The following ZNF521 variants were observed in gnomAD, a reference collection of about 807,000 sequenced individuals.
ZNF521 encodes LYST-interacting protein 3.
A neutral mutation model predicts 105.5 loss-of-function variants in ZNF521; 14 were observed. The ratio of observed to expected loss-of-function variants is 0.13; its 90% CI spans 0.09 to 0.21. ZNF521 has a LOEUF of 0.21. Ranked by LOEUF, ZNF521 falls within the 10% of genes least tolerant of loss-of-function variation. The pLI, the probability that ZNF521 is intolerant of heterozygous loss-of-function variation, is 1.00. For synonymous variants in ZNF521, 635 were observed against 606.0 expected (o/e 1.05, Z -0.70); for missense variants, 1,233 against 1,629.7 (o/e 0.76, Z 4.19).
chr18:25,067,188 T>C (rs1449533046), intron 7 of ZNF521, among the ~76,000 whole-genome samples: 1 of 152,162 alleles, frequency 6.6e-6, no homozygotes, highest in Admixed American at 6.5e-5. Context: ...GAGGGGGGTT[T>C]GTGTTAAAAA....
chr18:25,124,385 C>T (rs1567972584), intron 5 of ZNF521, among the ~76,000 whole-genome samples: 4 of 152,092 alleles, frequency 2.6e-5, no homozygotes, highest in Non-Finnish European at 2.9e-5. Flanking sequence ...CTGGGTCCTG[C>T]TTCAGAAACT....
At chr18:25,265,198 C>A (rs1909165391) in intron 3 of ZNF521, among the ~76,000 whole-genome samples, 1 of 152,164 alleles carries the variant, frequency 6.6e-6, no homozygotes, top group African/African-American at 2.4e-5. Context: ...CAAGTTGCCA[C>A]CTAACTGATG....
rs1304410529 is a variant in ZNF521, at chr18:25,062,626, T to G, written c.*86A>C. On this transcript the variant is annotated 3_prime_UTR_variant, in exon 8 of 8. Coordinates refer to ENST00000361524, the MANE Select transcript of ZNF521 (RefSeq NM_015461.3). ...ATACAATGTTTCTGAATAATATACA[T>G]TAACAATGAAAGTTTCGTGCAAAGA... is the stretch of plus-strand genomic sequence containing the variant. The G allele has an allele frequency of 6.8e-7, 1 of 1,461,918 alleles. No homozygotes were observed. The highest frequency in any genetic ancestry group is 1.4e-5 in the African/African-American group (1 of 70,364). 90.6% of individuals were successfully genotyped at this position (1,461,918 alleles called of 1,614,324 possible).
At chr18:25,236,955 C>G (rs1242265494) in intron 3 of ZNF521, among the ~76,000 whole-genome samples, 1 of 152,128 alleles carries the variant, frequency 6.6e-6, no homozygotes, top group Admixed American at 6.5e-5. Flanking sequence ...AAGAGGCATT[C>G]TGAAAATAAG....
At chr18:25,269,775 G>C (rs1412614020) in intron 3 of ZNF521, among the ~76,000 whole-genome samples, 2 of 152,082 alleles carry the variant, frequency 1.3e-5, no homozygotes, top group African/African-American at 4.8e-5. Context: ...AGAATCTCTG[G>C]GACACATTTA....
intron 3 of ZNF521, among the ~76,000 whole-genome samples, chr18:25,303,293 TGTG>T (rs1911751017): frequency 1.8e-5 from 2 of 112,978 alleles, no homozygotes; most frequent in Non-Finnish European, 3.5e-5. Context: ...TGTGTGTGTG[TGTG>T]TGTGTGTGTG....
At chr18:25,165,464 A>G (rs1236039163) in intron 5 of ZNF521, among the ~76,000 whole-genome samples, 1 of 152,194 alleles carries the variant, frequency 6.6e-6, no homozygotes, top group Non-Finnish European at 1.5e-5. Flanking sequence ...CCCCCGGTAG[A>G]CTGTCAAAGT....
chr18:25,258,244 G>C (rs758726195), intron 3 of ZNF521, among the ~76,000 whole-genome samples: 4 of 152,140 alleles, frequency 2.6e-5, no homozygotes, highest in African/African-American at 4.8e-5. Context: ...TTGACGATAA[G>C]GTTTGGATAA....
intron 5 of ZNF521, among the ~76,000 whole-genome samples, chr18:25,171,220 C>G (rs951284021): frequency 6.6e-6 from 1 of 152,100 alleles, no homozygotes; most frequent in South Asian, 2.1e-4. Flanking sequence ...CACACACAAT[C>G]GAAATTAGAA....
intron 5 of ZNF521, among the ~76,000 whole-genome samples, chr18:25,092,803 T>C (rs1458740811): frequency 1.3e-5 from 2 of 152,154 alleles, no homozygotes; most frequent in Non-Finnish European, 2.9e-5. Flanking sequence ...GGCAGAAAAA[T>C]ATTTTGATGT....
chr18:25,280,805 C>T (rs1910320810), intron 3 of ZNF521, among the ~76,000 whole-genome samples: 1 of 152,114 alleles, frequency 6.6e-6, no homozygotes, highest in African/African-American at 2.4e-5. Context: ...TCCCAGCCTT[C>T]TAGGAATATA....
intron 2 of ZNF521, among the ~76,000 whole-genome samples, chr18:25,328,141 C>A (rs970269853): frequency 1.3e-5 from 2 of 152,150 alleles, no homozygotes; most frequent in Non-Finnish European, 2.9e-5. Context: ...CTATTTGTTC[C>A]TTCCTTTGTC....
At chr18:25,219,789 C>A (rs951233047) in intron 4 of ZNF521, among the ~76,000 whole-genome samples, 3 of 152,002 alleles carry the variant, frequency 2.0e-5, no homozygotes, top group Admixed American at 6.5e-5. Flanking sequence ...TGTACTCCAG[C>A]CTGAATGATA....
At position 25,303,309 on chromosome 18, in the gene ZNF521, T is replaced by TGTGTGA. The variant is rs1305017795; in HGVS notation, c.220+18698_220+18699insTCACAC. The stretch of plus-strand genomic sequence containing the variant: ...GTGTGTGTGTGTGTGTGTGTGTGTG[T>TGTGTGA]GAGAGAGAGACGGAGTCTCGCTCTG... On this transcript the variant is annotated intron_variant, in intron 3 of 7. Coordinates refer to ENST00000361524, the MANE Select transcript of ZNF521 (RefSeq NM_015461.3). Among the ~76,000 whole-genome samples, 21 of 128,478 alleles carry TGTGTGA rather than the reference T, an allele frequency of 1.6e-4. No homozygotes were observed. In the South Asian group the frequency reaches 2.6e-3, roughly 16 times the overall value. 84.3% of individuals were successfully genotyped at this position (128,478 alleles called of 152,430 possible). A position where few individuals can be genotyped will look rare whatever the true frequency, so the allele number is the denominator to read the frequency against.
At chr18:25,157,372 CA>C (rs1249363821) in intron 5 of ZNF521, among the ~76,000 whole-genome samples, 1 of 152,096 alleles carries the variant, frequency 6.6e-6, no homozygotes, top group Non-Finnish European at 1.5e-5. Context: ...TATTCACACA[CA>C]AAGATAGAGA....
intron 5 of ZNF521, among the ~76,000 whole-genome samples, chr18:25,109,292 T>C (rs1267069755): frequency 2.6e-5 from 4 of 152,194 alleles, no homozygotes; most frequent in Admixed American, 2.0e-4. Flanking sequence ...GACTTCATTC[T>C]TTTTTATGGC....
chr18:25,244,926 A>T (rs1333468229), intron 3 of ZNF521, among the ~76,000 whole-genome samples: 1 of 152,214 alleles, frequency 6.6e-6, no homozygotes, highest in Non-Finnish European at 1.5e-5. Context: ...TTAAAATGTA[A>T]TTCCCACTTA....
Position 25,223,018 on chromosome 18 carries a change from G to A in ZNF521, c.3573+1327C>T, listed in dbSNP as rs545509172. On this transcript the variant is annotated intron_variant, in intron 4 of 7. Transcript: ENST00000361524. ...TACCCATACACAGGCACACATACGT[G>A]TTCGCTGTGTTGGTCCTTTAACTTT... is the stretch of plus-strand genomic sequence containing the variant. Among the ~76,000 whole-genome samples, 101 of 152,292 alleles carry A rather than the reference G, an allele frequency of 6.6e-4. 2 individuals are homozygous for A. The highest frequency in any genetic ancestry group is 3.4e-3 in the Middle Eastern group (1 of 294).
intron 2 of ZNF521, among the ~76,000 whole-genome samples, chr18:25,349,313 GTTTCT>G (rs1914599592): frequency 6.6e-6 from 1 of 152,096 alleles, no homozygotes; most frequent in Admixed American, 6.6e-5. Flanking sequence ...CGCCCGTGGC[GTTTCT>G]TTTTTCACTG....
Sources: allele counts gnomAD v4.1 joint callset (sites outside exome capture counted in the v4.1 genomes callset), GRCh38; gene constraint gnomAD v4.1.1; transcripts MANE v1.5; gene names NCBI Gene and HGNC (gene_info 2026-07-23, HGNC 2026-07-21).